Variants in MEMO1 observed in about 807,000 individuals in gnomAD.
MEMO1 encodes protein MEMO1.
A neutral mutation model predicts 45.2 loss-of-function variants in MEMO1; 6 were observed. The observed-to-expected ratio is 0.13, with a 90% CI of 0.07 to 0.26. MEMO1 has a LOEUF of 0.26. Ranked by LOEUF, MEMO1 falls within the 10% of genes least tolerant of loss-of-function variation. The pLI is 1.00. For missense variants in MEMO1, 184 were observed against 370.5 expected (o/e 0.50, Z 4.13); for synonymous variants, 78 against 124.3 (o/e 0.63, Z 2.48).
chr2:31,968,694 C>G (rs975745796), intron 2 of MEMO1, among the ~76,000 whole-genome samples: 1 of 152,112 alleles, frequency 6.6e-6, no homozygotes, highest in African/African-American at 2.4e-5. Flanking sequence ...CATGCTTTCC[C>G]GAAAATTCCT....
chr2:31,874,728 A>T (rs1674306925), intron 8 of MEMO1, among the ~76,000 whole-genome samples: 1 of 152,014 alleles, frequency 6.6e-6, no homozygotes, highest in Non-Finnish European at 1.5e-5. Context: ...TAATGCTTAT[A>T]CAGAGAACCA....
At chr2:31,869,794 T>C in intron 9 of MEMO1, 54 bp downstream of exon 9, 1 of 1,524,062 alleles carries the variant, frequency 6.6e-7, no homozygotes, top group Non-Finnish European at 8.8e-7. Flanking sequence ...TGATAATATT[T>C]TGGAATATCA....
At chr2:31,931,899 T>C (rs537184201) in intron 4 of MEMO1, among the ~76,000 whole-genome samples, 168 bp downstream of exon 4, 4 of 152,232 alleles carry the variant, frequency 2.6e-5, no homozygotes, top group Non-Finnish European at 5.9e-5. Context: ...AAAAAAGAAG[T>C]ATTGAAGTTT....
At chr2:32,009,931 C>G (rs959828778) in intron 2 of MEMO1, among the ~76,000 whole-genome samples, 1 of 151,750 alleles carries the variant, frequency 6.6e-6, no homozygotes, top group African/African-American at 2.4e-5. Context: ...GGCGGCAACT[C>G]TCCCTCTCGC....
chr2:31,963,852 T>C (rs1668302248), intron 2 of MEMO1, among the ~76,000 whole-genome samples: 1 of 152,184 alleles, frequency 6.6e-6, no homozygotes, highest in African/African-American at 2.4e-5. Flanking sequence ...GTACTTGAAA[T>C]GTGGCTAATA....
At chr2:31,981,427 T>C (rs929903349) in intron 2 of MEMO1, among the ~76,000 whole-genome samples, 1 of 152,206 alleles carries the variant, frequency 6.6e-6, no homozygotes, top group Non-Finnish European at 1.5e-5. Flanking sequence ...CTAAACAATA[T>C]ATTATCTGAC....
At chr2:31,998,808 A>G (rs961630434) in intron 2 of MEMO1, among the ~76,000 whole-genome samples, 8 of 152,166 alleles carry the variant, frequency 5.3e-5, no homozygotes, top group Non-Finnish European at 1.0e-4. Flanking sequence ...TCAAAAAAAA[A>G]AAAAAGAAAA....
chr2:31,962,723 TTGAC>T (rs1445548685), intron 2 of MEMO1, among the ~76,000 whole-genome samples: 3 of 152,194 alleles, frequency 2.0e-5, no homozygotes, highest in Non-Finnish European at 2.9e-5. Context: ...AGGGCATTCA[TTGAC>T]TGACAACAAT....
intron 8 of MEMO1, among the ~76,000 whole-genome samples, chr2:31,875,336 T>G (rs1674404793): frequency 6.6e-6 from 1 of 152,192 alleles, no homozygotes; most frequent in Admixed American, 6.5e-5. Flanking sequence ...CTGTACAATT[T>G]ATTCCCTTTT....
chr2:32,002,862 T>C (rs1352479604), intron 2 of MEMO1, among the ~76,000 whole-genome samples: 2 of 152,148 alleles, frequency 1.3e-5, no homozygotes, highest in African/African-American at 2.4e-5. Context: ...ACAAGGAAAC[T>C]GAAAACTAGA....
intron 3 of MEMO1, among the ~76,000 whole-genome samples, chr2:31,942,270 A>C (rs554315754): frequency 1.3e-5 from 2 of 152,296 alleles, no homozygotes; most frequent in Admixed American, 1.3e-4. Flanking sequence ...TCAAAAATTA[A>C]GTTGCTATTC....
chr2:31,926,545 G>A (rs955646130), intron 4 of MEMO1, among the ~76,000 whole-genome samples: 2 of 151,974 alleles, frequency 1.3e-5, no homozygotes, highest in Non-Finnish European at 2.9e-5. Flanking sequence ...AATACATGGT[G>A]ACATTAAGAA....
At chr2:31,957,036 G>T (rs1368651890) in intron 2 of MEMO1, among the ~76,000 whole-genome samples, 1 of 151,954 alleles carries the variant, frequency 6.6e-6, no homozygotes, top group Non-Finnish European at 1.5e-5. Context: ...CAGCTACTCG[G>T]GAGGCTGAAG....
chr2:32,001,122 G>A (rs1023449626), intron 2 of MEMO1, among the ~76,000 whole-genome samples: 4 of 142,370 alleles, frequency 2.8e-5, no homozygotes, highest in African/African-American at 5.2e-5. Context: ...CACTGCAAGC[G>A]CCGCCTCCCG....
At chr2:31,884,935 TAA>T (rs58729347) in intron 7 of MEMO1, among the ~76,000 whole-genome samples, 1 of 150,110 alleles carries the variant, frequency 6.7e-6, no homozygotes, top group Non-Finnish European at 1.5e-5. Context: ...GTCTTTGAAC[TAA>T]AAAAAAAATT....
intron 2 of MEMO1, among the ~76,000 whole-genome samples, chr2:31,964,449 A>G (rs548875642): frequency 6.6e-6 from 1 of 152,036 alleles, no homozygotes; most frequent in African/African-American, 2.4e-5. Flanking sequence ...GTAATTCCAG[A>G]ACTTTGGGAG....
chr2:31,996,481 T>C (rs1014069190), intron 2 of MEMO1, among the ~76,000 whole-genome samples: 2 of 151,198 alleles, frequency 1.3e-5, no homozygotes, highest in East Asian at 1.9e-4. Flanking sequence ...CAGGCGGAGG[T>C]TGTAGTGAGC....
At chr2:31,991,509 TGC>T (rs1671942271) in intron 2 of MEMO1, among the ~76,000 whole-genome samples, 1 of 149,762 alleles carries the variant, frequency 6.7e-6, no homozygotes, top group African/African-American at 2.5e-5. Context: ...AGGTGGAGGT[TGC>T]AGTGAGCCAA....
chr2:31,883,324 T>C (rs1022399167), intron 8 of MEMO1, 62 bp downstream of exon 8: 1 of 1,127,082 alleles, frequency 8.9e-7, no homozygotes, highest in Non-Finnish European at 1.3e-6. Context: ...AGTCTTGAAT[T>C]ACTAATCTGA....
Sources: gnomAD v4.1 joint callset for allele counts (sites outside exome capture counted in the v4.1 genomes callset) on GRCh38, gnomAD v4.1.1 for gene constraint, MANE v1.5 for transcripts, NCBI Gene and HGNC (gene_info 2026-07-23, HGNC 2026-07-21) for gene names.